GALNT3: variants seen among roughly 807,000 people sequenced by gnomAD.
The protein encoded by GALNT3 is GalNAc transferase 3.
GALNT3 carries 51 observed loss-of-function variants against 69.8 expected under a neutral mutation model. That is an observed-to-expected ratio of 0.73 (90% CI 0.58 to 0.92). The LOEUF is 0.92. Among genes scored for constraint, GALNT3 ranks in the 40% least tolerant of loss-of-function variants. GALNT3 has a pLI of 0.00. For synonymous variants in GALNT3, 265 were observed against 248.5 expected (o/e 1.07, Z -0.63); for missense variants, 711 against 760.0 (o/e 0.94, Z 0.76).
chr2:165,787,178 C>T (rs1387837157), intron 1 of GALNT3, among the ~76,000 whole-genome samples: 2 of 152,152 alleles, frequency 1.3e-5, no homozygotes, highest in African/African-American at 4.8e-5. Context: ...TTCCAAGTTA[C>T]AGTTAGTGAT....
Position 165,748,371 on chromosome 2 carries a change from T to C in GALNT3, c.*410A>G, listed in dbSNP as rs1273240507. ...GCTGACATTTATTGATCTATTTTTA[T>C]GTAGTTAAAAAAATACAGTAACAAA... On this transcript the variant is annotated 3_prime_UTR_variant, in exon 11 of 11. Coordinates refer to ENST00000392701, the MANE Select transcript of GALNT3 (RefSeq NM_004482.4). The C allele has an allele frequency of 1.5e-5, 4 of 260,254 alleles. No individual in the cohort carries two copies. Among genetic ancestry groups the C allele is most frequent in the African/African-American group, 8.9e-5 (4 of 45,034 alleles). 16.1% of individuals were successfully genotyped at this position (260,254 alleles called of 1,614,324 possible).
chr2:165,773,247 G>A (rs1385074741), intron 1 of GALNT3, among the ~76,000 whole-genome samples: 1 of 152,146 alleles, frequency 6.6e-6, no homozygotes, highest in East Asian at 1.9e-4. Flanking sequence ...TATTTTTCAT[G>A]GTCATGGATA....
In GALNT3 at chr2:165,759,490, C is replaced by T. The variant is rs763726940; in HGVS notation, c.919G>A (p.Ala307Thr). Residue 307 changes from alanine (A) to threonine (T), a missense_variant, in exon 5 of 11, where the codon GCA becomes ACA. Ala to Thr is a moderately conservative substitution (Grantham distance 58). Transcript: ENST00000392701. Reference sequence around the variant, plus strand: ...TCAAACGTGTTCAGATCTATGGATGCAATATCTGGACTTACGACAGCCGTG... The same window carrying T: ...TCAAACGTGTTCAGATCTATGGATGTAATATCTGGACTTACGACAGCCGTG... ...NYTAVVSPDI[A>T]SIDLNTFEFN... is the part of the protein sequence containing the mutation. 2.5e-6 allele frequency: 4 copies of T among 1,613,918 alleles called. No individual in the cohort carries two copies. The highest frequency in any genetic ancestry group is 1.7e-5 in the Admixed American group (1 of 59,986).
intron 1 of GALNT3, among the ~76,000 whole-genome samples, chr2:165,793,549 A>T (rs1683397888): frequency 6.6e-6 from 1 of 152,206 alleles, no homozygotes; most frequent in African/African-American, 2.4e-5. Flanking sequence ...CGGCTAGGAA[A>T]GTTGCCTGGC....
intron 10 of GALNT3, among the ~76,000 whole-genome samples, chr2:165,749,526 G>A (rs1049864375): frequency 6.6e-6 from 1 of 151,996 alleles, no homozygotes; most frequent in Non-Finnish European, 1.5e-5. Flanking sequence ...CATATATCAC[G>A]GTTCAACCAA....
rs987836650 is a variant in GALNT3, at chr2:165,748,526, A to T, written c.*255T>A. The T allele has an allele frequency of 6.4e-6, 3 of 472,184 alleles. No individual in the cohort carries two copies. In the South Asian group the frequency reaches 7.1e-5, roughly 11 times the overall value. 29.2% of individuals were successfully genotyped at this position (472,184 alleles called of 1,614,324 possible). A position where few individuals can be genotyped will look rare whatever the true frequency, so the allele number is the denominator to read the frequency against. Reference sequence around the variant, plus strand: ...TCACTTTACTTGGAAAATTATTTTCATCATACTGTAAACATCTCTTCCCCT... The same window carrying T: ...TCACTTTACTTGGAAAATTATTTTCTTCATACTGTAAACATCTCTTCCCCT... On this transcript the variant is annotated 3_prime_UTR_variant, in exon 11 of 11. Coordinates refer to ENST00000392701, the MANE Select transcript of GALNT3 (RefSeq NM_004482.4).
intron 2 of GALNT3, among the ~76,000 whole-genome samples, chr2:165,767,039 T>C: frequency 6.6e-6 from 1 of 152,200 alleles, no homozygotes; most frequent in South Asian, 2.1e-4. Context: ...ACCTTCTTCA[T>C]CATTCATAAA....
chr2:165,760,830 C>A (rs2105409003), intron 4 of GALNT3, among the ~76,000 whole-genome samples: 1 of 152,192 alleles, frequency 6.6e-6, no homozygotes. Context: ...GCTCAAGGGA[C>A]AAAATGACAG....
chr2:165,755,109 T>C (rs533232831), intron 7 of GALNT3, 46 bp from the exon 8 acceptor site: 20 of 1,520,890 alleles, frequency 1.3e-5, no homozygotes, highest in Admixed American at 3.3e-5. Context: ...TAAAACAACA[T>C]TGATAAAGCA....
intron 1 of GALNT3, among the ~76,000 whole-genome samples, chr2:165,774,766 A>T (rs1159985180): frequency 6.6e-6 from 1 of 152,160 alleles, no homozygotes; most frequent in Non-Finnish European, 1.5e-5. Context: ...AGGAAGAAAG[A>T]GGACCAAGAT....
At chr2:165,783,679 C>T (rs1379897190) in intron 1 of GALNT3, among the ~76,000 whole-genome samples, 1 of 152,116 alleles carries the variant, frequency 6.6e-6, no homozygotes. Flanking sequence ...ATCATAGCTG[C>T]ATTCCAATTA....
chr2:165,786,081 G>A lies in GALNT3; in HGVS notation c.-109+7934C>T, dbSNP rs114807102. Among the ~76,000 whole-genome samples the A allele has an allele frequency of 8.2e-3, 1,240 of 152,082 alleles. 18 individuals are homozygous for A. The highest frequency in any genetic ancestry group is 0.029 in the African/African-American group (1,192 of 41,512). ...ATACTAAAATGCAAACAAACAATGT[G>A]AGAATTATGTTGGGAGGTCAAGGAG... On this transcript the variant is annotated intron_variant, in intron 1 of 10. Transcript: ENST00000392701.
Position 165,757,068 on chromosome 2 carries a change from A to T in GALNT3, c.1371T>A (p.Asp457Glu), listed in dbSNP as rs781073900. The change falls in exon 7 of 11, where the codon GAT becomes GAA. Residue 457 changes from aspartate to glutamate, a missense_variant. By Grantham distance (45) the Asp-to-Glu change is conservative. Coordinates refer to ENST00000392701, the MANE Select transcript of GALNT3 (RefSeq NM_004482.4). Reference sequence around the variant, plus strand: ...TTACTTGTTTAACAATTTTTGCTGCATCTGTATTTCTCCTATAAAATATTT... The same window carrying T: ...TTACTTGTTTAACAATTTTTGCTGCTTCTGTATTTCTCCTATAAAATATTT... Reference protein sequence around the residue: ...YKEIFYRRNTDAAKIVKQKAF... With the variant: ...YKEIFYRRNTEAAKIVKQKAF... 2 of 1,613,774 alleles carry T rather than the reference A, an allele frequency of 1.2e-6. No individual in the cohort carries two copies. The highest frequency in any genetic ancestry group is 2.2e-5 in the South Asian group (2 of 91,072).
intron 3 of GALNT3, among the ~76,000 whole-genome samples, chr2:165,764,492 A>C (rs1483666314): frequency 6.6e-6 from 1 of 152,210 alleles, no homozygotes; most frequent in African/African-American, 2.4e-5. Flanking sequence ...ATTTAATGAA[A>C]TATGGCATTA....
Position 165,785,744 on chromosome 2 carries a change from A to C in GALNT3, c.-109+8271T>G, listed in dbSNP as rs577205526. On this transcript the variant is annotated intron_variant, in intron 1 of 10. Transcript: ENST00000392701. Reference sequence around the variant, plus strand: ...CTCTATCAGAGATGTCAGCAAAAAGAAATTCCGAACAACCACCACGGAACA... The same window carrying C: ...CTCTATCAGAGATGTCAGCAAAAAGCAATTCCGAACAACCACCACGGAACA... Among the ~76,000 whole-genome samples, 3 of 152,324 alleles carry C rather than the reference A, an allele frequency of 2.0e-5. No homozygotes were observed. In the East Asian group the frequency reaches 5.8e-4, roughly 29 times the overall value.
chr2:165,754,653 T>A lies in GALNT3; in HGVS notation c.1600A>T (p.Thr534Ser). ...TGGTTTCCCCCAAGTCCATGACATG[T>A]ATACATAATTAATGGTTTGCCTCCT... ...NQGGKPLIMYTCHGLGGNQYF... is the reference protein window; with the variant it reads ...NQGGKPLIMYSCHGLGGNQYF... The change falls in exon 9 of 11, where the codon ACA (threonine) becomes TCA (serine). Residue 534 changes from threonine to serine, a missense_variant. Physicochemically the swap from Thr to Ser is moderately conservative, Grantham distance 58 (BLOSUM62 1). Coordinates refer to ENST00000392701, the MANE Select transcript of GALNT3 (RefSeq NM_004482.4). The A allele has an allele frequency of 1.2e-6, 2 of 1,613,310 alleles. No individual in the cohort carries two copies. Among genetic ancestry groups the A allele is most frequent in the Non-Finnish European group, 8.5e-7 (1 of 1,179,442 alleles).
At chr2:165,761,127 A>AG (rs1229739069) in intron 4 of GALNT3, among the ~76,000 whole-genome samples, 2 of 129,946 alleles carry the variant, frequency 1.5e-5, no homozygotes, top group Non-Finnish European at 3.2e-5. Context: ...AAAAAAAAAA[A>AG]CACACACACA....
At chr2:165,780,931 G>A (rs986893592) in intron 1 of GALNT3, among the ~76,000 whole-genome samples, 4 of 152,118 alleles carry the variant, frequency 2.6e-5, no homozygotes, top group Admixed American at 6.5e-5. Context: ...GGGAAACTTG[G>A]TCCACATGAT....
chr2:165,760,157 A>T (rs62174820), intron 4 of GALNT3, among the ~76,000 whole-genome samples: 1 of 152,032 alleles, frequency 6.6e-6, no homozygotes, highest in African/African-American at 2.4e-5. Flanking sequence ...GCTGTTCCAC[A>T]TTACCTGGCC....
Sources: gnomAD v4.1 joint callset for allele counts (sites outside exome capture counted in the v4.1 genomes callset) on GRCh38, gnomAD v4.1.1 for gene constraint, MANE v1.5 for transcripts, NCBI Gene and HGNC (gene_info 2026-07-23, HGNC 2026-07-21) for gene names.